Variants in SV2C observed in about 807,000 individuals in gnomAD.
The protein encoded by SV2C is synaptic vesicle glycoprotein 2C.
A neutral mutation model predicts 79.7 loss-of-function variants in SV2C; 49 were observed. The observed-to-expected ratio is 0.61, with a 90% CI of 0.49 to 0.78. The LOEUF is 0.78. SV2C is among the 30% of genes least tolerant of loss of function. The pLI, the probability that SV2C is intolerant of heterozygous loss-of-function variation, is 0.00. For missense variants in SV2C, 833 were observed against 912.9 expected (o/e 0.91, Z 1.13); for synonymous variants, 334 against 333.2 (o/e 1.00, Z -0.03).
At chr5:76,353,620 G>A (rs1264205979) in exon 13 of SV2C, 1 of 152,470 alleles carries the variant, frequency 6.6e-6, no homozygotes, top group Non-Finnish European at 1.5e-5. Flanking sequence ...ATTCCCACTA[G>A]GAGGTATAGT....
At chr5:75,929,412 G>A in the SV2C span, among the ~76,000 whole-genome samples, 1 of 151,868 alleles carries the variant, frequency 6.6e-6, no homozygotes, top group Non-Finnish European at 1.5e-5. Context: ...GGAAGCTGCG[G>A]CATCTGCTTG....
chr5:76,334,237 T>A (rs183353031), downstream of SV2C, among the ~76,000 whole-genome samples: 2 of 152,296 alleles, frequency 1.3e-5, no homozygotes, highest in Non-Finnish European at 2.9e-5. Flanking sequence ...AGCAAACAGA[T>A]TTTTATTTAG....
intron 2 of SV2C, chr5:76,173,780 G>T: frequency 6.2e-7 from 1 of 1,608,908 alleles, no homozygotes; most frequent in Non-Finnish European, 8.5e-7. Context: ...CCATTGTCTT[G>T]CTAGATTTTG....
chr5:76,031,084 CA>C, the SV2C span, among the ~76,000 whole-genome samples: 1 of 152,116 alleles, frequency 6.6e-6, no homozygotes, highest in African/African-American at 2.4e-5. Context: ...TTAAATATTG[CA>C]GGTATGATCT....
chr5:76,353,508 T>A (rs992623824), exon 13 of SV2C: 2 of 152,554 alleles, frequency 1.3e-5, no homozygotes, highest in Admixed American at 1.3e-4. Context: ...TTTTCTAAGA[T>A]CTGCTTCTAA....
chr5:75,948,631 G>A, the SV2C span, among the ~76,000 whole-genome samples: 10 of 152,098 alleles, frequency 6.6e-5, no homozygotes, highest in Admixed American at 2.0e-4. Flanking sequence ...TTGATAAGGC[G>A]ACGTTTGTGT....
At chr5:76,252,750 A>C (rs1746153051) in intron 4 of SV2C, among the ~76,000 whole-genome samples, 2 of 152,234 alleles carry the variant, frequency 1.3e-5, no homozygotes, top group African/African-American at 2.4e-5. Context: ...TGGATAACTA[A>C]GTGAACTCAG....
the SV2C span, among the ~76,000 whole-genome samples, chr5:75,922,100 G>T: frequency 6.6e-6 from 1 of 152,030 alleles, no homozygotes; most frequent in African/African-American, 2.4e-5. Context: ...TTAAAAATAT[G>T]TATAGTTTAC....
the SV2C span, among the ~76,000 whole-genome samples, chr5:76,011,879 T>C: frequency 7.9e-5 from 12 of 152,154 alleles, no homozygotes; most frequent in Non-Finnish European, 1.5e-4. Flanking sequence ...TCTGTTCTTG[T>C]GTTAGTTTGT....
At chr5:76,141,662 A>G (rs1323948750) in intron 2 of SV2C, among the ~76,000 whole-genome samples, 1 of 151,788 alleles carries the variant, frequency 6.6e-6, no homozygotes, top group Non-Finnish European at 1.5e-5. Flanking sequence ...CATCTCTACT[A>G]AAAATACAAA....
intron 8 of SV2C, 133 bp downstream of exon 8, chr5:76,291,989 G>A (rs900642954): frequency 2.7e-5 from 17 of 628,938 alleles, no homozygotes; most frequent in East Asian, 8.9e-5. Flanking sequence ...TTCAGCTTAG[G>A]TTTGCTGAGA....
In SV2C at chr5:76,301,446, C is replaced by T; in HGVS notation, c.1901C>T (p.Ser634Phe). Residue 634 changes from serine to phenylalanine, a missense_variant, in exon 12 of 13, where the codon TCC (serine) becomes TTC (phenylalanine). Transcript: ENST00000502798. Reference protein sequence around the residue: ...CFFLWFGTSESMMIGMLCLYN... With the variant: ...CFFLWFGTSEFMMIGMLCLYN... Reference sequence around the variant, plus strand: ...TTCCTTTGGTTCGGCACCAGTGAATCCATGATGATAGGCATGCTGTGTCTG... The same window carrying T: ...TTCCTTTGGTTCGGCACCAGTGAATTCATGATGATAGGCATGCTGTGTCTG... 1.2e-6 allele frequency: 2 copies of T among 1,614,016 alleles called. No individual in the cohort carries two copies. Among genetic ancestry groups the T allele is most frequent in the African/African-American group, 1.3e-5 (1 of 75,008 alleles).
intron 2 of SV2C, among the ~76,000 whole-genome samples, chr5:76,167,398 G>A (rs1405457875): frequency 2.6e-5 from 4 of 152,150 alleles, no homozygotes. Flanking sequence ...TGATTAGTAT[G>A]AGGGGGAAAG....
At chr5:76,241,284 G>A (rs575562118) in intron 4 of SV2C, among the ~76,000 whole-genome samples, 121 of 149,808 alleles carry the variant, frequency 8.1e-4, no homozygotes, top group Middle Eastern at 3.5e-3. Context: ...GCAGACAATC[G>A]TTAACAGTAT....
chr5:75,899,882 T>C, the SV2C span, among the ~76,000 whole-genome samples: 1 of 152,164 alleles, frequency 6.6e-6, no homozygotes, highest in Non-Finnish European at 1.5e-5. Context: ...GAGACTAGGA[T>C]TGCAACCCCT....
In SV2C at chr5:76,243,305, G is replaced by T. The variant is rs75546168; in HGVS notation, c.913+33418G>T. Among the ~76,000 whole-genome samples, 34 of 152,278 alleles carry T rather than the reference G, an allele frequency of 2.2e-4. No individual in the cohort carries two copies. In the East Asian group the frequency reaches 6.6e-3, roughly 29 times the overall value. ...AAACCTCAAGTAAAGGATTCCACAA[G>T]AACGCTCTCAGATTAGTTCTACAGT... On this transcript the variant is annotated intron_variant, in intron 4 of 12. Coordinates refer to ENST00000502798, the MANE Select transcript of SV2C (RefSeq NM_014979.4).
chr5:75,903,999 T>C, the SV2C span, among the ~76,000 whole-genome samples: 1 of 152,178 alleles, frequency 6.6e-6, no homozygotes, highest in East Asian at 1.9e-4. Flanking sequence ...TTGTGAAAGG[T>C]GTACTCATGG....
chr5:76,043,330 A>G, the SV2C span, among the ~76,000 whole-genome samples: 1 of 152,188 alleles, frequency 6.6e-6, no homozygotes, highest in African/African-American at 2.4e-5. Flanking sequence ...ACTTGTGGGT[A>G]TATCACTTCC....
intron 2 of SV2C, among the ~76,000 whole-genome samples, chr5:76,142,945 G>A (rs1020640812): frequency 3.7e-4 from 52 of 140,338 alleles, no homozygotes; most frequent in African/African-American, 1.3e-3. Flanking sequence ...CCAGGCTAGA[G>A]TGCAGTGGTG....
Sources: allele counts gnomAD v4.1 joint callset (sites outside exome capture counted in the v4.1 genomes callset), GRCh38; gene constraint gnomAD v4.1.1; transcripts MANE v1.5; gene names NCBI Gene and HGNC (gene_info 2026-07-23, HGNC 2026-07-21).